The following DACH2 variants were observed in gnomAD, a reference collection of about 807,000 sequenced individuals.
DACH2 encodes dachshund homolog 2.
In DACH2, 17 loss-of-function variants were observed where a neutral mutation model predicts 35.8. That is an observed-to-expected ratio of 0.48 (90% CI 0.33 to 0.71). The LOEUF (loss-of-function observed/expected upper bound fraction) is 0.71. Among genes scored for constraint, DACH2 ranks in the 30% least tolerant of loss-of-function variants. The pLI is 0.02. For synonymous variants in DACH2, 195 were observed against 177.3 expected (o/e 1.10, Z -0.79); for missense variants, 469 against 472.7 (o/e 0.99, Z 0.07).
In DACH2 at chrX:86,556,795, T is replaced by TAG. The variant is rs1194704943; in HGVS notation, c.640+42438_640+42439dup. Among the ~76,000 whole-genome samples the TAG allele has an allele frequency of 5.4e-3, 136 of 25,239 alleles. 4 individuals carry two copies. The highest frequency in any genetic ancestry group is 8.8e-3 in the East Asian group (5 of 570). The allele number at this position is 25,239 out of a possible 115,157, so 21.9% of individuals were successfully genotyped here. ...ATATATATATATATATATATATATATAGAGAGAGAGAGAGAGAGAGAGAGA... is the reference window on the plus strand; with the variant it reads ...ATATATATATATATATATATATATATAGAGAGAGAGAGAGAGAGAGAGAGAGA... On this transcript the variant is annotated intron_variant, in intron 3 of 11. Coordinates refer to ENST00000373125, the MANE Select transcript of DACH2 (RefSeq NM_053281.3).
intron 3 of DACH2, among the ~76,000 whole-genome samples, chrX:86,555,699 T>C (rs1418768853): frequency 9.0e-6 from 1 of 111,694 alleles, no homozygotes; most frequent in Non-Finnish European, 1.9e-5. Context: ...TTTGTTTAAA[T>C]AGTGAAAACT....
At chrX:86,685,835 A>G (rs1479728141) in intron 4 of DACH2, among the ~76,000 whole-genome samples, 1 of 111,128 alleles carries the variant, frequency 9.0e-6, no homozygotes, top group Non-Finnish European at 1.9e-5. Flanking sequence ...GCACGAAGCC[A>G]TAAGGGTTCC....
At chrX:86,642,364 C>A (rs1215225660) in intron 3 of DACH2, among the ~76,000 whole-genome samples, 1 of 111,679 alleles carries the variant, frequency 9.0e-6, no homozygotes, top group Admixed American at 9.5e-5. Flanking sequence ...CAAGGAAGAG[C>A]ATTACATAAT....
chrX:86,310,680 G>T (rs966134397), intron 1 of DACH2, among the ~76,000 whole-genome samples: 6 of 111,537 alleles, frequency 5.4e-5, no homozygotes, highest in Non-Finnish European at 9.4e-5. Flanking sequence ...TGGTTTGGCT[G>T]GATGGTCAGG....
At chrX:86,562,348 A>G (rs937961742) in intron 3 of DACH2, among the ~76,000 whole-genome samples, 58 of 111,555 alleles carry the variant, frequency 5.2e-4, no homozygotes, top group African/African-American at 1.8e-3. Flanking sequence ...TTGAGAAAAG[A>G]TAGCACAATT....
At position 86,520,081 on chromosome X, in the gene DACH2, C is replaced by T. The variant is rs538596128; in HGVS notation, c.640+5690C>T. On this transcript the variant is annotated intron_variant, in intron 3 of 11. Transcript: ENST00000373125. ...CCTCTTAATACCGCCTTAGCTTTGT[C>T]CCAGAGATTCTGGTGTGTTGTGTCT... Among the ~76,000 whole-genome samples the T allele has an allele frequency of 1.9e-4, 21 of 111,428 alleles. 1 individual carries two copies. The Admixed American group carries it at 2.0e-3, about 11-fold the overall frequency.
At chrX:86,809,275 G>T (rs1167624853) in intron 7 of DACH2, among the ~76,000 whole-genome samples, 1 of 110,671 alleles carries the variant, frequency 9.0e-6, no homozygotes, top group East Asian at 2.8e-4. Context: ...TTTTTCCTGG[G>T]TTTAATAAGA....
intron 1 of DACH2, among the ~76,000 whole-genome samples, chrX:86,153,689 C>T (rs1249521898): frequency 9.0e-6 from 1 of 111,502 alleles, no homozygotes; most frequent in Non-Finnish European, 1.9e-5. Flanking sequence ...TTAAAAGCAG[C>T]CACATGGTCA....
At chrX:86,318,439 A>T (rs1442249069) in intron 1 of DACH2, among the ~76,000 whole-genome samples, 5 of 111,751 alleles carry the variant, frequency 4.5e-5, no homozygotes, top group Non-Finnish European at 7.5e-5. Flanking sequence ...AGATGAAAAC[A>T]AGATAAAAAT....
At chrX:86,329,027 C>T (rs972953265) in intron 1 of DACH2, among the ~76,000 whole-genome samples, 1 of 111,398 alleles carries the variant, frequency 9.0e-6, no homozygotes, top group Non-Finnish European at 1.9e-5. Context: ...AACAATGACA[C>T]GATTCCTTGG....
intron 1 of DACH2, among the ~76,000 whole-genome samples, chrX:86,215,913 C>T (rs776352530): frequency 4.5e-5 from 5 of 112,307 alleles, no homozygotes; most frequent in Non-Finnish European, 9.4e-5. Context: ...ACTTTGTTAG[C>T]GGTTCTCAGA....
intron 2 of DACH2, among the ~76,000 whole-genome samples, chrX:86,447,219 C>A (rs1193143198): frequency 1.1e-5 from 1 of 90,645 alleles, no homozygotes; most frequent in Non-Finnish European, 2.2e-5. Context: ...GAGTAGGTTG[C>A]GAAAATTTTC....
At chrX:86,407,127 C>G (rs1005932066) in intron 2 of DACH2, among the ~76,000 whole-genome samples, 3 of 111,755 alleles carry the variant, frequency 2.7e-5, no homozygotes, top group Admixed American at 9.5e-5. Flanking sequence ...TCAAATAAAA[C>G]AGTGAACTCA....
chrX:86,441,403 A>G (rs987603550), intron 2 of DACH2, among the ~76,000 whole-genome samples: 1 of 111,054 alleles, frequency 9.0e-6, no homozygotes, highest in African/African-American at 3.3e-5. Flanking sequence ...TTAACTTAAC[A>G]TAATGAGCGC....
intron 3 of DACH2, among the ~76,000 whole-genome samples, chrX:86,544,376 T>A (rs769945955): frequency 7.2e-5 from 8 of 111,061 alleles, no homozygotes; most frequent in Non-Finnish European, 1.1e-4. Context: ...AGAAAACATG[T>A]TAAAATCAGC....
At chrX:86,487,392 G>A (rs2038033486) in intron 2 of DACH2, among the ~76,000 whole-genome samples, 1 of 111,903 alleles carries the variant, frequency 8.9e-6, no homozygotes, top group Non-Finnish European at 1.9e-5. Context: ...TCCAGGAACG[G>A]TGGTAGGCTT....
chrX:86,291,572 A>T lies in DACH2; in HGVS notation c.489-85252A>T, dbSNP rs907204628. The stretch of plus-strand genomic sequence containing the variant: ...TATTGTCTGTGGGTTTGTCATAGAT[A>T]GCTCTTATTATTTTGAGATACATCC... On this transcript the variant is annotated intron_variant, in intron 1 of 11. Coordinates refer to ENST00000373125, the MANE Select transcript of DACH2 (RefSeq NM_053281.3). 6.4e-5 allele frequency among the ~76,000 whole-genome samples: 7 copies of T among 108,644 alleles called. 1 individual carries two copies. The highest frequency in any genetic ancestry group is 2.4e-4 in the African/African-American group (7 of 29,312). The allele number at this position is 108,644 out of a possible 115,157, so 94.3% of individuals were successfully genotyped here. A position where few individuals can be genotyped will look rare whatever the true frequency, so the allele number is the denominator to read the frequency against.
At chrX:86,384,688 GAATC>G (rs2036096727) in intron 2 of DACH2, among the ~76,000 whole-genome samples, 1 of 111,739 alleles carries the variant, frequency 8.9e-6, no homozygotes, top group Non-Finnish European at 1.9e-5. Flanking sequence ...AGTATAAAAT[GAATC>G]AGCAATAAAA....
rs773252500 is a variant in DACH2, at chrX:86,224,527, C to T, written c.488+75419C>T. The stretch of plus-strand genomic sequence containing the variant: ...AATAAGATTAATAGCCATCCCTATT[C>T]TTTTATTTGGAATGGCTGCTAATAA... On this transcript the variant is annotated intron_variant, in intron 1 of 11. Transcript: ENST00000373125. 7.2e-5 allele frequency among the ~76,000 whole-genome samples: 8 copies of T among 110,798 alleles called. No homozygotes were observed. The South Asian group carries it at 3.0e-3, about 42-fold the overall frequency.
Sources: allele counts gnomAD v4.1 joint callset (sites outside exome capture counted in the v4.1 genomes callset), GRCh38; gene constraint gnomAD v4.1.1; transcripts MANE v1.5; gene names NCBI Gene and HGNC (gene_info 2026-07-23, HGNC 2026-07-21).